Variants in TEX11 observed in about 807,000 individuals in gnomAD.
TEX11 encodes testis-expressed protein 11.
TEX11 carries 7 observed loss-of-function variants against 84.4 expected under a neutral mutation model. The ratio of observed to expected loss-of-function variants is 0.08; its 90% CI spans 0.05 to 0.16. TEX11 has a LOEUF of 0.16. Among genes scored for constraint, TEX11 ranks in the 10% least tolerant of loss-of-function variants. The probability of loss-of-function intolerance (pLI) is 1.00; values close to 1 mark genes in which losing one functional copy is unlikely to be tolerated. For synonymous variants in TEX11, 264 were observed against 222.8 expected (o/e 1.18, Z -1.64); for missense variants, 551 against 660.5 (o/e 0.83, Z 1.82).
chrX:70,828,041 C>G (rs1247810713), intron 8 of TEX11, among the ~76,000 whole-genome samples: 8 of 111,840 alleles, frequency 7.2e-5, no homozygotes, highest in African/African-American at 2.6e-4. Context: ...CTTTATGGGT[C>G]TACAAGAAAC....
intron 4 of TEX11, among the ~76,000 whole-genome samples, chrX:70,868,543 T>C (rs1243938620): frequency 9.0e-6 from 1 of 111,433 alleles, no homozygotes; most frequent in Non-Finnish European, 1.9e-5. Flanking sequence ...ACCCAAAGGA[T>C]TATAAATCAT....
downstream of TEX11, among the ~76,000 whole-genome samples, chrX:70,526,115 G>A (rs1032958361): frequency 1.8e-5 from 2 of 111,539 alleles, no homozygotes; most frequent in Non-Finnish European, 3.8e-5. Flanking sequence ...TTAGGGCTGG[G>A]GAGACAACCA....
intron 9 of TEX11, among the ~76,000 whole-genome samples, chrX:70,787,339 T>C (rs1358100595): frequency 9.2e-6 from 1 of 108,248 alleles, no homozygotes; most frequent in Non-Finnish European, 1.9e-5. Context: ...TGCCACTTTT[T>C]TTCTTTTTTT....
In TEX11 at chrX:70,657,281, C is replaced by T. The variant is rs192528216; in HGVS notation, c.1381-5729G>A. Among the ~76,000 whole-genome samples the T allele has an allele frequency of 2.4e-3, 264 of 110,937 alleles. 1 individual carries two copies. The highest frequency in any genetic ancestry group is 7.8e-3 in the African/African-American group (239 of 30,547). Reference sequence around the variant, plus strand: ...CCAGGAAATCTCAGAATAAAAGCTGCCTTATTTTTAAACACTAACAAACCA... The same window carrying T: ...CCAGGAAATCTCAGAATAAAAGCTGTCTTATTTTTAAACACTAACAAACCA... On this transcript the variant is annotated intron_variant, in intron 16 of 29. Transcript: ENST00000374333.
intron 4 of TEX11, among the ~76,000 whole-genome samples, chrX:70,862,597 A>C (rs1466499942): frequency 1.8e-5 from 2 of 111,044 alleles, no homozygotes; most frequent in Non-Finnish European, 3.8e-5. Flanking sequence ...TCCAGTTCTG[A>C]AAATTTTTGA....
intron 5 of TEX11, among the ~76,000 whole-genome samples, chrX:70,855,394 A>G (rs1431717665): frequency 4.6e-5 from 5 of 109,607 alleles, no homozygotes; most frequent in African/African-American, 1.7e-4. Flanking sequence ...GCAAAACCCC[A>G]TCTCTACTAA....
chrX:70,721,628 G>A (rs1286360073), intron 13 of TEX11, among the ~76,000 whole-genome samples: 1 of 111,537 alleles, frequency 9.0e-6, no homozygotes, highest in Non-Finnish European at 1.9e-5. Context: ...CAAATTATCT[G>A]GAGTTAGAAA....
chrX:70,722,605 A>G lies in TEX11; in HGVS notation c.1004+13T>C, dbSNP rs753867722. ...ACTGTCAGTCTTTAGAGAAAGGGAA[A>G]TCAATTCTGTACCTTTCATGATCCA... On this transcript the variant is annotated intron_variant, in intron 13 of 29. Coordinates refer to ENST00000374333, the MANE Select transcript of TEX11 (RefSeq NM_031276.3). 2.5e-6 allele frequency: 3 copies of G among 1,196,377 alleles called. No individual in the cohort carries two copies. Among genetic ancestry groups the G allele is most frequent in the Non-Finnish European group, 3.4e-6 (3 of 883,538 alleles).
At chrX:70,585,944 T>C (rs1169151201) in intron 25 of TEX11, among the ~76,000 whole-genome samples, 5 of 112,156 alleles carry the variant, frequency 4.5e-5, no homozygotes, top group Non-Finnish European at 9.4e-5. Context: ...CCCAGCTACT[T>C]GGGAGGCTGA....
intron 13 of TEX11, among the ~76,000 whole-genome samples, chrX:70,698,327 CA>C (rs1266700969): frequency 9.1e-6 from 1 of 110,342 alleles, no homozygotes; most frequent in Non-Finnish European, 1.9e-5. Context: ...TTATTTACCT[CA>C]AAAAAATAGA....
At chrX:70,556,257 A>G (rs1264880526) in intron 25 of TEX11, among the ~76,000 whole-genome samples, 1 of 110,265 alleles carries the variant, frequency 9.1e-6, no homozygotes, top group Non-Finnish European at 1.9e-5. Flanking sequence ...ATTTAATGCT[A>G]TACACTTTTG....
intron 20 of TEX11, among the ~76,000 whole-genome samples, chrX:70,623,086 T>C (rs1175018803): frequency 8.9e-6 from 1 of 111,957 alleles, no homozygotes; most frequent in African/African-American, 3.2e-5. Context: ...TGGGTAAAAT[T>C]TGCATTATGA....
At chrX:70,830,965 C>T (rs1052968351) in intron 8 of TEX11, among the ~76,000 whole-genome samples, 3 of 111,707 alleles carry the variant, frequency 2.7e-5, no homozygotes, top group Non-Finnish European at 5.6e-5. Flanking sequence ...TGGATATATA[C>T]CCAAGGGAAA....
chrX:70,568,832 CT>C (rs1411881043), intron 25 of TEX11, among the ~76,000 whole-genome samples: 1 of 110,800 alleles, frequency 9.0e-6, no homozygotes, highest in Non-Finnish European at 1.9e-5. Context: ...TCTGGCTGCC[CT>C]TAACATTTTT....
chrX:70,834,625 A>G (rs1393887308), intron 7 of TEX11, among the ~76,000 whole-genome samples: 1 of 110,103 alleles, frequency 9.1e-6, no homozygotes, highest in Non-Finnish European at 1.9e-5. Flanking sequence ...AAACAAAACA[A>G]AACAAAACAA....
At chrX:70,781,581 C>T (rs2091039301) in intron 9 of TEX11, among the ~76,000 whole-genome samples, 1 of 111,347 alleles carries the variant, frequency 9.0e-6, no homozygotes, top group Non-Finnish European at 1.9e-5. Flanking sequence ...AAAGGTTAGT[C>T]GGATGGCTAA....
chrX:70,728,085 G>A (rs2090613332), intron 11 of TEX11, among the ~76,000 whole-genome samples: 1 of 112,624 alleles, frequency 8.9e-6, no homozygotes, highest in South Asian at 3.7e-4. Context: ...GTAGATATGT[G>A]AAACTTATTT....
At chrX:70,608,935 GTATA>G (rs917199047) in intron 22 of TEX11, among the ~76,000 whole-genome samples, 152 bp downstream of exon 22, 8 of 111,109 alleles carry the variant, frequency 7.2e-5, no homozygotes, top group African/African-American at 2.6e-4. Flanking sequence ...ACTGCATGAA[GTATA>G]TATAACTATT....
chrX:70,658,189 C>A (rs979061557), intron 16 of TEX11, among the ~76,000 whole-genome samples: 145 of 111,473 alleles, frequency 1.3e-3, no homozygotes, highest in Middle Eastern at 4.6e-3. Flanking sequence ...CTGAGAAGGG[C>A]GGATCACCTG....
Sources: allele counts gnomAD v4.1 joint callset (sites outside exome capture counted in the v4.1 genomes callset), GRCh38; gene constraint gnomAD v4.1.1; transcripts MANE v1.5; gene names NCBI Gene and HGNC (gene_info 2026-07-23, HGNC 2026-07-21).